The following INTU variants were observed in gnomAD, a reference collection of about 807,000 sequenced individuals.
INTU encodes the protein inturned planar cell polarity protein, also known as protein inturned.
Under a neutral mutation model 100.5 loss-of-function variants are expected in INTU, and 68 were observed. That is an observed-to-expected ratio of 0.68 (90% confidence interval 0.56 to 0.83). The LOEUF is 0.83. Ranked by LOEUF, INTU falls within the 40% of genes least tolerant of loss-of-function variation. The pLI, the probability that INTU is intolerant of heterozygous loss-of-function variation, is 0.00. For synonymous variants in INTU, 357 were observed against 395.7 expected, an observed-to-expected ratio of 0.90 and a Z score of 1.16; for missense variants, 1,071 against 1,114.7, an observed-to-expected ratio of 0.96 and a Z score of 0.56.
In INTU at chr4:127,723,363, A is replaced by C. The variant is rs1578647809; in HGVS notation, c.*6927A>C. On this transcript the variant is annotated 3_prime_UTR_variant, in exon 16 of 16. Coordinates refer to ENST00000335251, the MANE Select transcript of INTU (RefSeq NM_015693.4). ...TGCAGAGCAGAGCTGCCTCTCTTTGACCATCTGGGCTCTCTGTTCTACTTT... is the reference window on the plus strand; with the variant it reads ...TGCAGAGCAGAGCTGCCTCTCTTTGCCCATCTGGGCTCTCTGTTCTACTTT... 7.3e-6 allele frequency: 1 copy of C among 137,244 alleles called. No homozygotes were observed. Among genetic ancestry groups the C allele is most frequent in the African/African-American group, 2.8e-5 (1 of 35,568 alleles). The allele number at this position is 137,244 out of a possible 1,614,324, so 8.5% of individuals were successfully genotyped here.
At chr4:127,633,236 A>T (rs962963926) in intron 1 of INTU, 56 bp downstream of exon 1, 2 of 1,564,962 alleles carry the variant, frequency 1.3e-6, no homozygotes, top group Non-Finnish European at 1.8e-6. Context: ...GAGAATATAC[A>T]CGTGGGCTGG....
Position 127,687,706 on chromosome 4 carries a change from C to T in INTU, c.1288C>T (p.Arg430Cys), listed in dbSNP as rs1227833863. ...CTTTTGCCAGATTGAGAATGTTCCTCGTTTGGATCATTTTTTTAACTTGTT... is the reference window on the plus strand; with the variant it reads ...CTTTTGCCAGATTGAGAATGTTCCTTGTTTGGATCATTTTTTTAACTTGTT... The part of the protein sequence containing the change: ...SAFCQIENVP[R>C]LDHFFNLFFQ... The change falls in exon 8 of 16, where the codon CGT (arginine) becomes TGT (cysteine). Residue 430 changes from arginine to cysteine, a missense_variant. By Grantham distance (180) the Arg-to-Cys change is radical. Transcript: ENST00000335251. 8.7e-6 allele frequency: 14 copies of T among 1,612,312 alleles called. No homozygotes were observed. The highest frequency in any genetic ancestry group is 6.7e-5 in the East Asian group (3 of 44,814).
intron 6 of INTU, among the ~76,000 whole-genome samples, chr4:127,680,304 AAG>A (rs1413103858): frequency 5.3e-5 from 8 of 151,508 alleles, no homozygotes; most frequent in Non-Finnish European, 4.4e-5. Flanking sequence ...ACAACCAAAA[AAG>A]AGAATTTTAG....
intron 9 of INTU, 53 bp from the exon 10 acceptor site, chr4:127,704,174 AT>A (rs1730771633): frequency 2.7e-6 from 4 of 1,462,256 alleles, no homozygotes; most frequent in African/African-American, 1.4e-5. Flanking sequence ...CTTAATTGGA[AT>A]TTTTATCACA....
Position 127,706,988 on chromosome 4 carries a change from G to A in INTU, c.2271+19G>A, listed in dbSNP as rs1361410656. ...GCTTAAGGTGTGTGCTTATTCAAGT[G>A]TGTATGTTCTGGGAGCTAAGTTGTC... On this transcript the variant is annotated intron_variant, in intron 12 of 15. Coordinates refer to ENST00000335251, the MANE Select transcript of INTU (RefSeq NM_015693.4). 6.3e-7 allele frequency: 1 copy of A among 1,591,964 alleles called. No individual in the cohort carries two copies. The highest frequency in any genetic ancestry group is 1.7e-5 in the Admixed American group (1 of 57,198).
intron 2 of INTU, among the ~76,000 whole-genome samples, chr4:127,650,860 C>G (rs1560833253): frequency 6.6e-6 from 1 of 152,144 alleles, no homozygotes; most frequent in East Asian, 1.9e-4. Context: ...GTTCCTATTT[C>G]TCCACATCCT....
chr4:127,682,058 C>T lies in INTU; in HGVS notation c.1182-2351C>T, dbSNP rs898638531. On this transcript the variant is annotated intron_variant, in intron 6 of 15. Transcript: ENST00000335251. ...GCAAATCAAAACCACAATGAGATAC[C>T]GTCTCACACCAGTTAGAATGGCAAT... Among the ~76,000 whole-genome samples the T allele has an allele frequency of 2.6e-5, 4 of 151,594 alleles. No homozygotes were observed. The East Asian group carries it at 7.7e-4, about 29-fold the overall frequency.
intron 7 of INTU, among the ~76,000 whole-genome samples, 173 bp downstream of exon 7, chr4:127,684,659 C>T (rs1337410565): frequency 6.6e-6 from 1 of 151,548 alleles, no homozygotes; most frequent in Non-Finnish European, 1.5e-5. Flanking sequence ...TCCTTCTCCT[C>T]CTCTTCCTTC....
intron 4 of INTU, among the ~76,000 whole-genome samples, chr4:127,666,765 A>T (rs575437069): frequency 6.6e-6 from 1 of 152,362 alleles, no homozygotes; most frequent in South Asian, 2.1e-4. Flanking sequence ...CTCTCAGAGC[A>T]TCTAGTCAAA....
Position 127,679,735 on chromosome 4 carries a change from G to T in INTU, c.1182-4674G>T, listed in dbSNP as rs959099291. Among the ~76,000 whole-genome samples the T allele has an allele frequency of 2.2e-4, 34 of 151,572 alleles. 1 individual carries two copies. Among genetic ancestry groups the T allele is most frequent in the East Asian group, 1.6e-3 (8 of 5,150 alleles). On this transcript the variant is annotated intron_variant, in intron 6 of 15. Coordinates refer to ENST00000335251, the MANE Select transcript of INTU (RefSeq NM_015693.4). ...AAACACATTCAAAAGCTAGCAGAAGGCAAGAAATAACTAAAATCAGAGCAG... is the reference window on the plus strand; with the variant it reads ...AAACACATTCAAAAGCTAGCAGAAGTCAAGAAATAACTAAAATCAGAGCAG...
At position 127,706,505 on chromosome 4, in the gene INTU, G is replaced by A. The variant is rs1441844913; in HGVS notation, c.1807G>A (p.Val603Ile). Residue 603 changes from valine (V) to isoleucine (I), a missense_variant, in exon 12 of 16, where the codon GTA becomes ATA. Transcript: ENST00000335251. ...CCTATAGAAACATTATATGCTATGT[G>A]TACTATTAGAAGCTGGAGGTTGCGC... The part of the protein sequence containing the change: ...VVGLKHYMLC[V>I]LLEAGGCASK... 6.2e-7 allele frequency: 1 copy of A among 1,612,742 alleles called. No individual in the cohort carries two copies. The highest frequency in any genetic ancestry group is 1.3e-5 in the African/African-American group (1 of 74,846).
intron 1 of INTU, among the ~76,000 whole-genome samples, chr4:127,640,189 C>A (rs1263035190): frequency 1.3e-5 from 2 of 151,980 alleles, no homozygotes; most frequent in Non-Finnish European, 2.9e-5. Context: ...ATTGTATTTT[C>A]TATTGACAAG....
chr4:127,707,392 CAAAAA>C (rs71587331), intron 12 of INTU, among the ~76,000 whole-genome samples: 11 of 44,580 alleles, frequency 2.5e-4, no homozygotes, highest in African/African-American at 7.7e-4. Flanking sequence ...GACTCTGTCT[CAAAAA>C]AAAAAAAAAA....
intron 1 of INTU, among the ~76,000 whole-genome samples, chr4:127,640,141 A>C (rs948644648): frequency 2.0e-5 from 3 of 152,128 alleles, no homozygotes; most frequent in African/African-American, 7.2e-5. Flanking sequence ...AAGGGAACTG[A>C]TATTTATTTG....
chr4:127,718,994 TG>T lies in INTU; in HGVS notation c.*2559del, dbSNP rs1731308439. The T allele has an allele frequency of 6.6e-6, 1 of 152,214 alleles. No homozygotes were observed. The highest frequency in any genetic ancestry group is 1.5e-5 in the Non-Finnish European group (1 of 68,038). 9.4% of individuals were successfully genotyped at this position (152,214 alleles called of 1,614,324 possible). The stretch of plus-strand genomic sequence containing the variant: ...CCTTTATTTCTTTCTCTTGCCTGAT[TG>T]CCCTGGCCAGGACTTCCAATACTAT... On this transcript the variant is annotated 3_prime_UTR_variant, in exon 16 of 16. Transcript: ENST00000335251.
chr4:127,635,773 AAG>A (rs1465840961), intron 1 of INTU, among the ~76,000 whole-genome samples: 4 of 152,204 alleles, frequency 2.6e-5, no homozygotes, highest in African/African-American at 9.7e-5. Flanking sequence ...CATCTCGCCT[AAG>A]AGTCTCCCCA....
In INTU at chr4:127,639,303, G is replaced by T. The variant is rs540592665; in HGVS notation, c.147-4218G>T. On this transcript the variant is annotated intron_variant, in intron 1 of 15. Transcript: ENST00000335251. ...TTCATTACCTTGATCACTTGGTTAT[G>T]TAAGGTAGTGTCTGCCAGGTCTCTT... 5.9e-5 allele frequency among the ~76,000 whole-genome samples: 9 copies of T among 152,162 alleles called. No homozygotes were observed. The South Asian group carries it at 1.9e-3, about 32-fold the overall frequency.
chr4:127,667,537 C>T lies in INTU; in HGVS notation c.973-1499C>T, dbSNP rs1181974977. Among the ~76,000 whole-genome samples, 4 of 151,944 alleles carry T rather than the reference C, an allele frequency of 2.6e-5. No homozygotes were observed. The East Asian group carries it at 5.8e-4, about 22-fold the overall frequency. On this transcript the variant is annotated intron_variant, in intron 4 of 15. Coordinates refer to ENST00000335251, the MANE Select transcript of INTU (RefSeq NM_015693.4). The stretch of plus-strand genomic sequence containing the variant: ...ATAAAAGCTTAGCTTCTTCAAGTCA[C>T]AAGATTTCAAAATGTAAAGACCATA...
At position 127,702,859 on chromosome 4, in the gene INTU, C is replaced by T. The variant is rs554678338; in HGVS notation, c.1504-1369C>T. 6.8e-4 allele frequency among the ~76,000 whole-genome samples: 103 copies of T among 152,154 alleles called. 1 individual carries two copies. The highest frequency in any genetic ancestry group is 1.2e-3 in the Admixed American group (19 of 15,258). On this transcript the variant is annotated intron_variant, in intron 9 of 15. Coordinates refer to ENST00000335251, the MANE Select transcript of INTU (RefSeq NM_015693.4). ...TTCTGTCCCCATGATTTTGCCTTTT[C>T]CAGGATGTAATATAAAGTGAATCAT...
Sources: gnomAD v4.1 joint callset for allele counts (sites outside exome capture counted in the v4.1 genomes callset) on GRCh38, gnomAD v4.1.1 for gene constraint, MANE v1.5 for transcripts, NCBI Gene and HGNC (gene_info 2026-07-23, HGNC 2026-07-21) for gene names.